Variants in GCNT2 observed in about 807,000 individuals in gnomAD.
GCNT2 encodes the protein glucosaminyl (N-acetyl) transferase 2 (I blood group), also known as N-acetyllactosaminide beta-1,6-N-acetylglucosaminyl-transferase.
In GCNT2, 34 loss-of-function variants were observed where a neutral mutation model predicts 34.2. The observed-to-expected ratio is 1.00, with a 90% confidence interval of 0.76 to 1.32. The LOEUF is 1.32. GCNT2 is among the 40% of genes most tolerant of loss of function. GCNT2 has a pLI of 0.00. For missense variants in GCNT2, 584 were observed against 489.4 expected (o/e 1.19, Z -1.82); for synonymous variants, 212 against 188.0 (o/e 1.13, Z -1.04).
intron 3 of GCNT2, chr6:10,585,999 T>C: frequency 6.2e-7 from 1 of 1,614,116 alleles, no homozygotes. Flanking sequence ...AATGAACTTT[T>C]GGAGGTACTG....
At chr6:10,569,275 C>A (rs6456549) in intron 3 of GCNT2, among the ~76,000 whole-genome samples, 6,126 of 100,592 alleles carry the variant, frequency 0.061, 571 homozygotes, top group South Asian at 0.11. Flanking sequence ...ACACACACAC[C>A]CCCTAGGTAA....
intron 3 of GCNT2, among the ~76,000 whole-genome samples, chr6:10,618,880 A>T (rs1182805597): frequency 6.6e-6 from 1 of 152,230 alleles, no homozygotes; most frequent in Non-Finnish European, 1.5e-5. Context: ...AAGTTTAGGT[A>T]GCAAGAAGAA....
intron 1 of GCNT2, among the ~76,000 whole-genome samples, chr6:10,523,343 T>TTAAACCC (rs1761014352): frequency 1.3e-5 from 2 of 150,528 alleles, no homozygotes; most frequent in African/African-American, 4.9e-5. Flanking sequence ...GGAGAATTGC[T>TTAAACCC]TAAACCCGGG....
intron 3 of GCNT2, among the ~76,000 whole-genome samples, chr6:10,618,279 G>A (rs1765881484): frequency 6.6e-6 from 1 of 152,156 alleles, no homozygotes; most frequent in Non-Finnish European, 1.5e-5. Flanking sequence ...AAGCACATAC[G>A]TGTTTGACAC....
intron 3 of GCNT2, chr6:10,556,311 G>T: frequency 6.4e-7 from 1 of 1,569,114 alleles, no homozygotes; most frequent in Non-Finnish European, 8.6e-7. Context: ...GTCTCCAACA[G>T]GGCAGGAGTG....
intron 3 of GCNT2, among the ~76,000 whole-genome samples, chr6:10,549,049 G>A (rs1038879856): frequency 3.3e-5 from 5 of 152,294 alleles, no homozygotes; most frequent in Non-Finnish European, 5.9e-5. Flanking sequence ...GTGCCACCGC[G>A]CCCAGCGTGA....
chr6:10,601,955 AAAAAAC>A (rs1561830972), intron 3 of GCNT2, among the ~76,000 whole-genome samples: 5 of 148,808 alleles, frequency 3.4e-5, no homozygotes, highest in African/African-American at 7.7e-5. Context: ...AAAAAAAAAA[AAAAAAC>A]AAAAAAAACA....
At chr6:10,565,382 CAAGGGAAAGCA>C (rs961652753) in intron 3 of GCNT2, among the ~76,000 whole-genome samples, 94 of 151,892 alleles carry the variant, frequency 6.2e-4, no homozygotes, top group Non-Finnish European at 3.2e-4. Flanking sequence ...CTGGTGGGAT[CAAGGGAAAGCA>C]GAGGGAAAGC....
chr6:10,540,627 T>C (rs950845477), intron 3 of GCNT2, among the ~76,000 whole-genome samples: 4 of 152,132 alleles, frequency 2.6e-5, no homozygotes, highest in Admixed American at 2.0e-4. Context: ...TCCAGCTTCA[T>C]CACTGAGTGG....
intron 3 of GCNT2, among the ~76,000 whole-genome samples, chr6:10,530,509 T>C (rs1004099672): frequency 1.3e-5 from 2 of 152,216 alleles, no homozygotes; most frequent in African/African-American, 4.8e-5. Context: ...TCCCATCCTT[T>C]TGAAATGGGA....
chr6:10,611,104 G>T (rs1765530042), intron 3 of GCNT2, among the ~76,000 whole-genome samples: 1 of 151,878 alleles, frequency 6.6e-6, no homozygotes, highest in Non-Finnish European at 1.5e-5. Flanking sequence ...TCCTAAATAG[G>T]CCAAATGTGA....
At chr6:10,531,953 C>T (rs681282) in intron 3 of GCNT2, among the ~76,000 whole-genome samples, 12,761 of 147,738 alleles carry the variant, frequency 0.086, 608 homozygotes, top group Middle Eastern at 0.14. Context: ...GAAGAGGGAT[C>T]GGTGTCTTTA....
At chr6:10,617,830 C>G (rs1369302811) in intron 3 of GCNT2, among the ~76,000 whole-genome samples, 1 of 149,310 alleles carries the variant, frequency 6.7e-6, no homozygotes, top group African/African-American at 2.5e-5. Context: ...CCTCGGCTCA[C>G]TGCAACCTCC....
chr6:10,594,016 C>T (rs1764749466), intron 3 of GCNT2, among the ~76,000 whole-genome samples: 1 of 152,128 alleles, frequency 6.6e-6, no homozygotes, highest in Admixed American at 6.6e-5. Context: ...TACTTAGTTC[C>T]CAGAGAAGTT....
intron 3 of GCNT2, among the ~76,000 whole-genome samples, chr6:10,604,533 C>A (rs1375012576): frequency 6.6e-6 from 1 of 152,146 alleles, no homozygotes; most frequent in Non-Finnish European, 1.5e-5. Flanking sequence ...AGACATAATA[C>A]TTGGTGCTTT....
In GCNT2 at chr6:10,529,076, G is replaced by A. The variant is rs372885493; in HGVS notation, c.165G>A (p.Gly55=). 114 of 1,613,980 alleles carry A rather than the reference G, an allele frequency of 7.1e-5. No homozygotes were observed. Among genetic ancestry groups the A allele is most frequent in the Non-Finnish European group, 9.3e-5 (110 of 1,180,022 alleles). Residue 55 remains glycine (G), a synonymous_variant, in exon 3 of 5, where the codon GGG becomes GGA. Coordinates refer to ENST00000495262, the MANE Select transcript of GCNT2 (RefSeq NM_145649.5). ...AAGCCTGTCATCAGATTTTTGAGGG[G>A]AAAGTTTTTTACCCAACAGAAAATG... The part of the protein sequence containing the change: ...LAEACHQIFE[G]KVFYPTENAL...
chr6:10,616,043 G>A (rs573198712), intron 3 of GCNT2, among the ~76,000 whole-genome samples: 20 of 152,174 alleles, frequency 1.3e-4, no homozygotes, highest in Non-Finnish European at 2.6e-4. Flanking sequence ...GCGGACTCTC[G>A]CAGTGAGTGT....
chr6:10,566,056 C>T (rs1219643828), intron 3 of GCNT2, among the ~76,000 whole-genome samples: 1 of 152,212 alleles, frequency 6.6e-6, no homozygotes, highest in Non-Finnish European at 1.5e-5. Context: ...TAGCTGCGCC[C>T]TTCCCCAGAT....
At chr6:10,610,977 A>G (rs998604772) in intron 3 of GCNT2, among the ~76,000 whole-genome samples, 2 of 152,120 alleles carry the variant, frequency 1.3e-5, no homozygotes, top group Admixed American at 6.5e-5. Context: ...GTTATGCGAG[A>G]TGAGTGCAGA....
Sources: allele counts gnomAD v4.1 joint callset (sites outside exome capture counted in the v4.1 genomes callset), GRCh38; gene constraint gnomAD v4.1.1; transcripts MANE v1.5; gene names NCBI Gene and HGNC (gene_info 2026-07-23, HGNC 2026-07-21).